Variants in CPLANE1 observed in about 807,000 individuals in gnomAD.
CPLANE1 encodes the protein ciliogenesis and planar polarity effector 1.
In CPLANE1, 263 loss-of-function variants were observed where a neutral mutation model predicts 362.5. The observed-to-expected ratio is 0.73, with a 90% CI of 0.66 to 0.80. CPLANE1 has a LOEUF of 0.80. CPLANE1 is among the 30% of genes least tolerant of loss of function. CPLANE1 has a pLI of 0.00. For missense variants in CPLANE1, 3,461 were observed against 3,793.4 expected, an observed-to-expected ratio of 0.91 and a Z score of 2.30; for synonymous variants, 1,212 against 1,302.6, an observed-to-expected ratio of 0.93 and a Z score of 1.50.
At chr5:37,237,574 C>T (rs780661704) in intron 8 of CPLANE1, among the ~76,000 whole-genome samples, 25 of 152,200 alleles carry the variant, frequency 1.6e-4, no homozygotes, top group Non-Finnish European at 2.9e-4. Context: ...TGGCCAGGCA[C>T]GGTGGCTTAC....
rs1233332144 is a variant in CPLANE1 at position 37,238,880 on chromosome 5, G to C, written c.915C>G (p.Pro305=). ...GSLKGCSNKS[P]VVPATLIRSY... is the part of the protein sequence containing the mutation. Reference sequence around the variant, plus strand: ...ACCTAATAAGTGTAGCTGGAACCACGGGACTCTTGTTACTACATCCTTTAA... The same window carrying C: ...ACCTAATAAGTGTAGCTGGAACCACCGGACTCTTGTTACTACATCCTTTAA... The change falls in exon 8 of 53, where the codon CCC becomes CCG. Residue 305 remains proline, a synonymous_variant. Coordinates refer to ENST00000651892, the MANE Select transcript of CPLANE1 (RefSeq NM_001384732.1). 4.0e-6 allele frequency: 6 copies of C among 1,517,860 alleles called. No homozygotes were observed. Among genetic ancestry groups the C allele is most frequent in the Non-Finnish European group, 5.3e-6 (6 of 1,131,830 alleles). 94.0% of individuals were successfully genotyped at this position (1,517,860 alleles called of 1,614,324 possible).
At chr5:37,129,011 A>G (rs965507492) in intron 46 of CPLANE1, among the ~76,000 whole-genome samples, 1 of 152,230 alleles carries the variant, frequency 6.6e-6, no homozygotes, top group African/African-American at 2.4e-5. Flanking sequence ...AAACTATACT[A>G]TAAGGCCATA....
chr5:37,135,211 C>T (rs907363609), intron 46 of CPLANE1, among the ~76,000 whole-genome samples: 1 of 152,006 alleles, frequency 6.6e-6, no homozygotes, highest in Non-Finnish European at 1.5e-5. Flanking sequence ...ATTGTTTACC[C>T]AAAAGTCATT....
At chr5:37,208,015 G>A (rs1462932589) in intron 16 of CPLANE1, among the ~76,000 whole-genome samples, 2 of 152,122 alleles carry the variant, frequency 1.3e-5, no homozygotes, top group Admixed American at 1.3e-4. Context: ...GTGTAATCAC[G>A]TGATCTCACT....
In CPLANE1 at chr5:37,218,041, T is replaced by C. The variant is rs754210310; in HGVS notation, c.2746+3283A>G. 3.0e-4 allele frequency among the ~76,000 whole-genome samples: 45 copies of C among 152,044 alleles called. 1 individual carries two copies. Among genetic ancestry groups the C allele is most frequent in the Non-Finnish European group, 1.0e-4 (7 of 68,006 alleles). ...CTATTTAATAAAAATTAAATAACTA[T>C]AGACAATTATTTAATAAGGTAGGTG... On this transcript the variant is annotated intron_variant, in intron 15 of 52. Coordinates refer to ENST00000651892, the MANE Select transcript of CPLANE1 (RefSeq NM_001384732.1).
chr5:37,138,530 T>C (rs772073396), intron 46 of CPLANE1, 190 bp downstream of exon 46: 6 of 722,930 alleles, frequency 8.3e-6, no homozygotes, highest in Non-Finnish European at 1.5e-5. Flanking sequence ...ACCCACAGGA[T>C]ACAGTTATAT....
intron 32 of CPLANE1, among the ~76,000 whole-genome samples, chr5:37,171,862 C>T (rs1443134435): frequency 2.6e-5 from 4 of 151,948 alleles, no homozygotes; most frequent in South Asian, 2.1e-4. Context: ...TCATAGACCA[C>T]TGTAACTTCA....
chr5:37,184,137 G>C (rs1473906856), intron 25 of CPLANE1, among the ~76,000 whole-genome samples: 1 of 152,142 alleles, frequency 6.6e-6, no homozygotes, highest in African/African-American at 2.4e-5. Context: ...CTAATACCAT[G>C]TGTAATAAGC....
chr5:37,244,237 C>T, intron 5 of CPLANE1, 138 bp downstream of exon 5: 1 of 549,874 alleles, frequency 1.8e-6, no homozygotes, highest in Non-Finnish European at 3.0e-6. Flanking sequence ...AAATGTGACC[C>T]AAGAAATATA....
At chr5:37,085,101 A>G in the CPLANE1 span, 1 of 739,020 alleles carries the variant, frequency 1.4e-6, no homozygotes, top group African/African-American at 1.7e-5. Flanking sequence ...AGCAACTCCA[A>G]AGCATTGGAT....
chr5:37,121,598 A>G lies in CPLANE1; in HGVS notation c.9185+19T>C. 2 of 1,612,234 alleles carry G rather than the reference A, an allele frequency of 1.2e-6. No individual in the cohort carries two copies. Among genetic ancestry groups the G allele is most frequent in the Non-Finnish European group, 1.7e-6 (2 of 1,178,412 alleles). On this transcript the variant is annotated intron_variant, in intron 49 of 52. Transcript: ENST00000651892. The stretch of plus-strand genomic sequence containing the variant: ...GCCTGACGTTATCTTGCCAAATGGC[A>G]TGTGAAACCTTGTCTTACCCTCTTG...
At chr5:37,100,186 G>A in the CPLANE1 span, among the ~76,000 whole-genome samples, 6 of 152,140 alleles carry the variant, frequency 3.9e-5, no homozygotes, top group Non-Finnish European at 8.8e-5. Context: ...CTTTGCCAGT[G>A]CTGATGTTCT....
chr5:37,209,303 G>A lies in CPLANE1; in HGVS notation c.2921-2878C>T, dbSNP rs1055445322. 36 of 769,408 alleles carry A rather than the reference G, an allele frequency of 4.7e-5. No homozygotes were observed. Among genetic ancestry groups the A allele is most frequent in the South Asian group, 2.1e-4 (15 of 72,974 alleles). The allele number at this position is 769,408 out of a possible 1,614,324, so 47.7% of individuals were successfully genotyped here. On this transcript the variant is annotated intron_variant, in intron 16 of 52. Coordinates refer to ENST00000651892, the MANE Select transcript of CPLANE1 (RefSeq NM_001384732.1). The surrounding 1 kb of genome is among the most constrained non-coding windows in gnomAD (Gnocchi z 4.6). The stretch of plus-strand genomic sequence containing the variant: ...CGTCTTGGCCCTACAGCCCCAGCTG[G>A]GCACTAAACTCGGGCCACGGCGGGG...
chr5:37,223,536 T>C (rs147261359), intron 14 of CPLANE1, among the ~76,000 whole-genome samples: 1 of 152,330 alleles, frequency 6.6e-6, no homozygotes, highest in East Asian at 1.9e-4. Context: ...AATGTAATAA[T>C]AGACCAAATC....
chr5:37,212,114 T>G (rs1337584115), intron 16 of CPLANE1: 3 of 943,366 alleles, frequency 3.2e-6, no homozygotes, highest in Non-Finnish European at 5.3e-6. Context: ...AAAAACTGTA[T>G]CAGGAAAGGA....
At chr5:37,223,148 C>G (rs1795718290) in intron 14 of CPLANE1, among the ~76,000 whole-genome samples, 1 of 152,230 alleles carries the variant, frequency 6.6e-6, no homozygotes, top group African/African-American at 2.4e-5. Context: ...TCTAGTCCTA[C>G]TAAACTACTT....
intron 15 of CPLANE1, among the ~76,000 whole-genome samples, chr5:37,219,819 C>T (rs1006098786): frequency 1.3e-5 from 2 of 151,996 alleles, no homozygotes; most frequent in African/African-American, 4.8e-5. Flanking sequence ...TATACATATA[C>T]ATGTGTCAAA....
intron 17 of CPLANE1, 55 bp from the exon 18 acceptor site, chr5:37,205,509 G>A: frequency 9.7e-6 from 12 of 1,240,058 alleles, no homozygotes; most frequent in South Asian, 3.2e-5. Flanking sequence ...AAAAAGGAAA[G>A]GTTTCACATA....
the CPLANE1 span, among the ~76,000 whole-genome samples, chr5:37,099,358 C>A: frequency 6.6e-6 from 1 of 152,170 alleles, no homozygotes. Flanking sequence ...GTGTTCTCAT[C>A]ATTCAGCTCC....
Sources: allele counts gnomAD v4.1 joint callset (sites outside exome capture counted in the v4.1 genomes callset), GRCh38; gene constraint gnomAD v4.1.1; non-coding constraint Gnocchi (gnomAD v3.1); transcripts MANE v1.5; gene names NCBI Gene and HGNC (gene_info 2026-07-23, HGNC 2026-07-21).